The following DENND2B variants were observed in gnomAD, a reference collection of about 807,000 sequenced individuals.
DENND2B encodes DENN domain containing 2B, also known as DENN domain-containing protein 2B.
Under a neutral mutation model 116.0 loss-of-function variants are expected in DENND2B, and 32 were observed. The observed-to-expected ratio is 0.28, with a 90% CI of 0.21 to 0.37. DENND2B has a LOEUF of 0.37. DENND2B is among the 10% of genes least tolerant of loss of function. DENND2B has a pLI of 1.00. For missense variants in DENND2B, 1,276 were observed against 1,477.7 expected, an observed-to-expected ratio of 0.86 and a Z score of 2.24; for synonymous variants, 588 against 583.9, an observed-to-expected ratio of 1.01 and a Z score of -0.10.
intron 2 of DENND2B, among the ~76,000 whole-genome samples, chr11:8,733,368 C>T (rs1345549664): frequency 6.6e-6 from 1 of 152,230 alleles, no homozygotes; most frequent in Non-Finnish European, 1.5e-5. Flanking sequence ...TAGTTCTCAA[C>T]TGAAGATGCA....
At chr11:8,876,878 C>CAA (rs34676489) in intron 2 of DENND2B, among the ~76,000 whole-genome samples, 4 of 122,698 alleles carry the variant, frequency 3.3e-5, no homozygotes, top group Admixed American at 8.4e-5. Flanking sequence ...GATTCCGTCT[C>CAA]AAAAAAAAAA....
chr11:8,841,082 C>T (rs1472975976), intron 3 of DENND2B, among the ~76,000 whole-genome samples: 1 of 152,196 alleles, frequency 6.6e-6, no homozygotes, highest in African/African-American at 2.4e-5. Context: ...CTTACGCTGT[C>T]ATTTTCCATG....
chr11:8,769,504 C>T (rs1249277939), intron 1 of DENND2B, among the ~76,000 whole-genome samples: 4 of 152,072 alleles, frequency 2.6e-5, no homozygotes, highest in Non-Finnish European at 5.9e-5. Flanking sequence ...AACTGATCCA[C>T]CCGCCTCGGC....
upstream of DENND2B, among the ~76,000 whole-genome samples, chr11:8,874,115 T>C (rs1377931239): frequency 6.6e-6 from 1 of 152,248 alleles, no homozygotes; most frequent in Admixed American, 6.5e-5. Flanking sequence ...ATTTGGATAG[T>C]TATGAATACT....
intron 9 of DENND2B, chr11:8,711,825 C>A (rs188710856): frequency 6.1e-6 from 2 of 327,214 alleles, no homozygotes; most frequent in South Asian, 2.5e-5. Context: ...CGAGATAGCG[C>A]CATTGCACTC....
intron 3 of DENND2B, among the ~76,000 whole-genome samples, chr11:8,849,262 G>A (rs901914254): frequency 3.9e-5 from 6 of 152,044 alleles, no homozygotes; most frequent in Non-Finnish European, 8.8e-5. Context: ...GGAGGCCAAG[G>A]TGGGTGGATA....
chr11:8,783,906 G>C (rs1426999311), intron 1 of DENND2B: 1 of 152,248 alleles, frequency 6.6e-6, no homozygotes, highest in African/African-American at 2.4e-5. Flanking sequence ...AAGAAGGCAA[G>C]AGTGAGGAGG....
chr11:8,730,559 C>T lies in DENND2B; in HGVS notation c.731G>A (p.Gly244Glu), dbSNP rs753547886. Residue 244 changes from glycine to glutamate, a missense_variant, in exon 3 of 20, where the codon GGA becomes GAA. Physicochemically the swap from Gly to Glu is moderately conservative, Grantham distance 98. Transcript: ENST00000313726. This position sits in a 1 kb window ranked among gnomAD's most constrained non-coding sequence, Gnocchi z 4.1. ...ECSYPETEEEGEALPVRDSFY... is the reference protein window; with the variant it reads ...ECSYPETEEEEEALPVRDSFY... ...AGAGTCCCGGACAGGGAGCGCCTCT[C>T]CCTCCTCCTCAGTCTCTGGGTAGGA... 62 of 1,613,114 alleles carry T rather than the reference C, an allele frequency of 3.8e-5. No individual in the cohort carries two copies. The highest frequency in any genetic ancestry group is 4.7e-5 in the Non-Finnish European group (56 of 1,180,036).
chr11:8,823,341 C>T (rs2061838900), intron 4 of DENND2B, among the ~76,000 whole-genome samples: 1 of 152,164 alleles, frequency 6.6e-6, no homozygotes, highest in African/African-American at 2.4e-5. Context: ...TGAAATGAAT[C>T]TGCATCAACC....
chr11:8,734,125 T>C (rs2048566106), intron 2 of DENND2B, among the ~76,000 whole-genome samples: 1 of 152,226 alleles, frequency 6.6e-6, no homozygotes, highest in Non-Finnish European at 1.5e-5. Flanking sequence ...CCTGCCCTCC[T>C]GGGGTGACAT....
At chr11:8,828,288 G>A (rs1298297970) in intron 4 of DENND2B, among the ~76,000 whole-genome samples, 2 of 152,118 alleles carry the variant, frequency 1.3e-5, no homozygotes, top group Non-Finnish European at 2.9e-5. Flanking sequence ...GAAGTGCCTG[G>A]ACACAGAGCA....
rs2042676837 is a variant in DENND2B, at chr11:8,706,790, C to CCTGATTGTGAGACCTGATTGTGAGA, written c.2571+294_2571+295insTCTCACAATCAGGTCTCACAATCAG. On this transcript the variant is annotated intron_variant, in intron 13 of 19. Transcript: ENST00000313726. ...CTCTGCTCTGAGGTCTGGCGCAATCCCTGATTGTGAGATGGCACACATTCA... is the reference window on the plus strand; with the variant it reads ...CTCTGCTCTGAGGTCTGGCGCAATCCCTGATTGTGAGACCTGATTGTGAGACTGATTGTGAGATGGCACACATTCA... Among the ~76,000 whole-genome samples, 2 of 152,148 alleles carry CCTGATTGTGAGACCTGATTGTGAGA rather than the reference C, an allele frequency of 1.3e-5. 1 individual carries two copies. Among genetic ancestry groups the CCTGATTGTGAGACCTGATTGTGAGA allele is most frequent in the South Asian group, 4.1e-4 (2 of 4,820 alleles).
At chr11:8,838,468 C>T (rs2062512320) in intron 4 of DENND2B, among the ~76,000 whole-genome samples, 1 of 152,206 alleles carries the variant, frequency 6.6e-6, no homozygotes, top group African/African-American at 2.4e-5. Context: ...AGCACCACGA[C>T]CAAGAATCAA....
intron 1 of DENND2B, among the ~76,000 whole-genome samples, chr11:8,797,550 C>G (rs1263868540): frequency 6.9e-5 from 10 of 144,836 alleles, no homozygotes; most frequent in African/African-American, 2.6e-4. Flanking sequence ...CTTTCCTCTT[C>G]TCTTCTCTTC....
At chr11:8,894,750 C>G in intron 1 of DENND2B, among the ~76,000 whole-genome samples, 1 of 152,074 alleles carries the variant, frequency 6.6e-6, no homozygotes, top group Non-Finnish European at 1.5e-5. Flanking sequence ...CAGGAAACAA[C>G]AGGTGCTGGA....
chr11:8,878,670 C>T (rs887131206), intron 2 of DENND2B, among the ~76,000 whole-genome samples: 3 of 152,136 alleles, frequency 2.0e-5, no homozygotes, highest in East Asian at 3.9e-4. Context: ...TGTGAGCCAC[C>T]GTGCCCAGCC....
At chr11:8,824,565 C>G (rs4929919) in intron 4 of DENND2B, among the ~76,000 whole-genome samples, 104,238 of 151,778 alleles carry the variant, frequency 0.69, 37,773 homozygotes, top group Admixed American at 0.81. Context: ...GTATTCCATG[C>G]TGTATATGTA....
chr11:8,854,403 T>C (rs570961991), intron 3 of DENND2B, among the ~76,000 whole-genome samples: 31 of 151,998 alleles, frequency 2.0e-4, no homozygotes, highest in Non-Finnish European at 3.7e-4. Flanking sequence ...GGTTTCACCA[T>C]GTTGGCCAGG....
At chr11:8,757,295 T>G (rs1486811095) in intron 1 of DENND2B, 17 of 360,192 alleles carry the variant, frequency 4.7e-5, no homozygotes, top group Non-Finnish European at 7.6e-5. Context: ...CAGATCACAC[T>G]TCCCTAGGTA....
Sources: gnomAD v4.1 joint callset for allele counts (sites outside exome capture counted in the v4.1 genomes callset) on GRCh38, gnomAD v4.1.1 for gene constraint, Gnocchi (gnomAD v3.1) non-coding constraint, MANE v1.5 for transcripts, NCBI Gene and HGNC (gene_info 2026-07-23, HGNC 2026-07-21) for gene names.